SPATA31H1: variants seen among roughly 807,000 people sequenced by gnomAD.
SPATA31H1 encodes the protein SPATA31 subfamily H member 1.
chr2:27,548,638 T>C, the SPATA31H1 span, among the ~76,000 whole-genome samples: 1 of 151,404 alleles, frequency 6.6e-6, no homozygotes, highest in Non-Finnish European at 1.5e-5. Flanking sequence ...AATTGTCTCC[T>C]AAGTGATATA....
At chr2:27,560,278 T>G in the SPATA31H1 span, among the ~76,000 whole-genome samples, 9 of 152,164 alleles carry the variant, frequency 5.9e-5, no homozygotes, top group Non-Finnish European at 1.3e-4. Context: ...TTTTTAATAG[T>G]TAACACTTCT....
At chr2:27,580,033 G>A in the SPATA31H1 span, 18 of 1,613,980 alleles carry the variant, frequency 1.1e-5, no homozygotes, top group Admixed American at 1.5e-4. Context: ...CACCTTGTAC[G>A]CACTCCTGAA....
chr2:27,567,617 A>T, the SPATA31H1 span: 1 of 402,682 alleles, frequency 2.5e-6, no homozygotes, highest in Non-Finnish European at 4.4e-6. Flanking sequence ...TCAAGCCTTT[A>T]GTTACATCAA....
chr2:27,559,319 C>T, the SPATA31H1 span, among the ~76,000 whole-genome samples: 1 of 152,262 alleles, frequency 6.6e-6, no homozygotes, highest in South Asian at 2.1e-4. Flanking sequence ...TATAGCCCTT[C>T]GGGGATTCCA....
the SPATA31H1 span, among the ~76,000 whole-genome samples, chr2:27,563,173 G>A: frequency 6.6e-6 from 1 of 151,908 alleles, no homozygotes; most frequent in Non-Finnish European, 1.5e-5. Flanking sequence ...CTGGTATTCA[G>A]AAACCTTGGT....
At chr2:27,559,267 T>C in the SPATA31H1 span, among the ~76,000 whole-genome samples, 1 of 152,176 alleles carries the variant, frequency 6.6e-6, no homozygotes, top group Non-Finnish European at 1.5e-5. Flanking sequence ...TGAGCTTCCA[T>C]TTTTGAGCCT....
the SPATA31H1 span, chr2:27,578,259 G>A: frequency 1.9e-6 from 3 of 1,614,054 alleles, no homozygotes; most frequent in South Asian, 1.1e-5. Context: ...TTTGCAAGAT[G>A]TGAAATCTAC....
the SPATA31H1 span, chr2:27,570,141 C>T: frequency 5.5e-3 from 2,204 of 398,866 alleles, 92 homozygotes; most frequent in East Asian, 0.073. Context: ...AGAGCCAAAG[C>T]ATCAAGGTTT....
At chr2:27,570,668 A>C in the SPATA31H1 span, 30 of 398,864 alleles carry the variant, frequency 7.5e-5, no homozygotes. Context: ...CACAGCTACA[A>C]TGTGTAAAAG....
At chr2:27,569,959 C>T in the SPATA31H1 span, 19 of 398,728 alleles carry the variant, frequency 4.8e-5, no homozygotes, top group African/African-American at 3.1e-4. Flanking sequence ...GATGAATTGA[C>T]CTCAGATTCC....
chr2:27,579,016 T>C, the SPATA31H1 span: 1 of 1,614,162 alleles, frequency 6.2e-7, no homozygotes, highest in South Asian at 1.1e-5. Context: ...TGTCCTGAGA[T>C]TCTAGGAGTG....
chr2:27,565,421 TA>T, the SPATA31H1 span: 1 of 717,082 alleles, frequency 1.4e-6, no homozygotes, highest in African/African-American at 1.7e-5. Context: ...TCAAGGTTAA[TA>T]ACAGACCAAT....
At chr2:27,556,696 T>A in the SPATA31H1 span, among the ~76,000 whole-genome samples, 62,018 of 135,580 alleles carry the variant, frequency 0.46, 14,236 homozygotes, top group East Asian at 0.83. Context: ...GCATATATTT[T>A]TTTTTTTTTA....
At chr2:27,574,489 G>A in the SPATA31H1 span, 3 of 398,356 alleles carry the variant, frequency 7.5e-6, no homozygotes, top group African/African-American at 6.2e-5. Flanking sequence ...CTGATCATGG[G>A]TATAAAGCTT....
At chr2:27,565,365 T>C in the SPATA31H1 span, 1 of 717,370 alleles carries the variant, frequency 1.4e-6, no homozygotes, top group Non-Finnish European at 2.6e-6. Flanking sequence ...TTGAAAAAGA[T>C]CCAGAAATTA....
the SPATA31H1 span, among the ~76,000 whole-genome samples, chr2:27,549,582 G>A: frequency 8.6e-5 from 13 of 151,808 alleles, no homozygotes; most frequent in East Asian, 2.5e-3. Context: ...ACTTAGTCAG[G>A]TGGGATCACC....
the SPATA31H1 span, among the ~76,000 whole-genome samples, chr2:27,565,093 C>A: frequency 6.6e-6 from 1 of 152,122 alleles, no homozygotes; most frequent in Admixed American, 6.5e-5. Flanking sequence ...AACTCCAGTA[C>A]AAATGCAACT....
the SPATA31H1 span, among the ~76,000 whole-genome samples, chr2:27,550,411 ATTTTTTTTTTT>A: frequency 4.2e-5 from 4 of 94,540 alleles, no homozygotes; most frequent in African/African-American, 1.4e-4. Context: ...TGGGTGTTAA[ATTTTTTTTTTT>A]TTTTTTTTTT....
At chr2:27,578,305 A>C in the SPATA31H1 span, 1 of 1,614,062 alleles carries the variant, frequency 6.2e-7, no homozygotes, top group Non-Finnish European at 8.5e-7. Context: ...CAGATTTTGG[A>C]AACAGTGGAG....
Sources: gnomAD v4.1 joint callset for allele counts (sites outside exome capture counted in the v4.1 genomes callset) on GRCh38, gnomAD v4.1.1 for gene constraint, MANE v1.5 for transcripts, NCBI Gene and HGNC (gene_info 2026-07-23, HGNC 2026-07-21) for gene names.